Variants in UBR4 observed in about 807,000 individuals in gnomAD.
The protein encoded by UBR4 is E3 ubiquitin-protein ligase UBR4.
In UBR4, 124 loss-of-function variants were observed where a neutral mutation model predicts 575.6. The ratio of observed to expected loss-of-function variants is 0.22; its 90% CI spans 0.19 to 0.25. The LOEUF (loss-of-function observed/expected upper bound fraction) is 0.25. UBR4 is among the 10% of genes least tolerant of loss of function. The probability of loss-of-function intolerance (pLI) is 1.00; values close to 1 mark genes in which losing one functional copy is unlikely to be tolerated. For missense variants in UBR4, 4,818 were observed against 6,478.8 expected (o/e 0.74, Z 8.80); for synonymous variants, 2,455 against 2,473.7 (o/e 0.99, Z 0.22).
chr1:19,161,976 C>T (rs753437022), intron 35 of UBR4, 79 bp from the exon 36 acceptor site: 28 of 1,523,084 alleles, frequency 1.8e-5, no homozygotes, highest in Non-Finnish European at 2.3e-5. Context: ...TGCCTCAACG[C>T]CCTATGGCGG....
Position 19,184,115 on chromosome 1 carries a change from T to C in UBR4, c.1999A>G (p.Asn667Asp). ...CTCAGATAGTTTCGGATAAAATTGT[T>C]CCGAGAGTTCAGCATGGAAGAGGTG... ...FITSSMLNSR[N>D]NFIRNYLSVS... The change falls in exon 16 of 106, where the codon AAC (asparagine) becomes GAC (aspartate). Residue 667 changes from asparagine (N) to aspartate (D), a missense_variant. Coordinates refer to ENST00000375254, the MANE Select transcript of UBR4 (RefSeq NM_020765.3). The C allele has an allele frequency of 1.2e-6, 2 of 1,614,172 alleles. No individual in the cohort carries two copies. The highest frequency in any genetic ancestry group is 1.7e-6 in the Non-Finnish European group (2 of 1,180,042).
At chr1:19,161,292 A>T in intron 37 of UBR4, 145 bp from the exon 38 acceptor site, 1 of 809,106 alleles carries the variant, frequency 1.2e-6, no homozygotes, top group Non-Finnish European at 1.9e-6. Context: ...TCTGATCTTC[A>T]TAGTATTCAC....
chr1:19,202,291 C>T (rs1211807835), intron 1 of UBR4, among the ~76,000 whole-genome samples: 1 of 152,100 alleles, frequency 6.6e-6, no homozygotes, highest in African/African-American at 2.4e-5. Flanking sequence ...AAACAGAAAA[C>T]ATTTTCAAAG....
intron 43 of UBR4, 25 bp downstream of exon 43, chr1:19,155,416 A>T: frequency 6.3e-7 from 1 of 1,594,740 alleles, no homozygotes; most frequent in Non-Finnish European, 8.6e-7. Context: ...CCGGAATAGA[A>T]GGAAATAGCA....
intron 2 of UBR4, among the ~76,000 whole-genome samples, chr1:19,200,101 C>A (rs1351506744): frequency 6.6e-6 from 1 of 152,126 alleles, no homozygotes; most frequent in African/African-American, 2.4e-5. Flanking sequence ...AATGACTTGA[C>A]AAAAGTCACA....
intron 71 of UBR4, 174 bp from the exon 72 acceptor site, chr1:19,118,084 C>A (rs1379503022): frequency 3.5e-6 from 2 of 579,648 alleles, no homozygotes; most frequent in Non-Finnish European, 3.1e-6. Flanking sequence ...GTTACGAAGC[C>A]ACAGGAAAGA....
chr1:19,143,620 T>C (rs889588482), intron 55 of UBR4, among the ~76,000 whole-genome samples: 2 of 152,230 alleles, frequency 1.3e-5, no homozygotes, highest in Non-Finnish European at 2.9e-5. Flanking sequence ...TGTTTCTGTT[T>C]TGTCTTTGGT....
intron 91 of UBR4, 73 bp from the exon 92 acceptor site, chr1:19,096,723 C>G (rs1557557452): frequency 6.4e-7 from 1 of 1,562,980 alleles, no homozygotes; most frequent in Non-Finnish European, 8.7e-7. Flanking sequence ...CAGGATAAGA[C>G]AGCCCTATTC....
chr1:19,110,101 T>C lies in UBR4; in HGVS notation c.12100A>G (p.Asn4034Asp). Reference protein sequence around the residue: ...IKPPAPTSKKNKDVPVEALTT... With the variant: ...IKPPAPTSKKDKDVPVEALTT... ...ACCCCTGCTTGGCCCAGTACCTTGT[T>C]CTTCTTGCTAGTGGGAGCAGGTGGT... Residue 4034 changes from asparagine (N) to aspartate (D), a missense_variant, in exon 81 of 106, where the codon AAC becomes GAC. By Grantham distance (23) the Asn-to-Asp change is conservative. Transcript: ENST00000375254. This position sits in a 1 kb window ranked among gnomAD's most constrained non-coding sequence, Gnocchi z 4.5. The C allele has an allele frequency of 6.2e-7, 1 of 1,614,118 alleles. No homozygotes were observed. The highest frequency in any genetic ancestry group is 8.5e-7 in the Non-Finnish European group (1 of 1,180,022).
At chr1:19,145,593 G>A (rs1280524172) in intron 53 of UBR4, among the ~76,000 whole-genome samples, 200 bp downstream of exon 53, 5 of 150,942 alleles carry the variant, frequency 3.3e-5, no homozygotes, top group African/African-American at 9.8e-5. Flanking sequence ...TATGGTAGAA[G>A]AAAATCCCAC....
chr1:19,183,886 A>G lies in UBR4; in HGVS notation c.2109T>C (p.Asp703=). ...GATAGAGAGCTGCAGCAAACTCTTCATCTGATGAACCTTAAAGACAAGTAG... is the reference window on the plus strand; with the variant it reads ...GATAGAGAGCTGCAGCAAACTCTTCGTCTGATGAACCTTAAAGACAAGTAG... ...VDKDGLKGSS[D]EEFAAALYHF... The change falls in exon 17 of 106, where the codon GAT becomes GAC. Residue 703 remains aspartate, a synonymous_variant. Transcript: ENST00000375254. The G allele has an allele frequency of 3.1e-6, 5 of 1,614,154 alleles. No homozygotes were observed.
chr1:19,204,531 A>ATATATAT (rs1553240220), intron 1 of UBR4, among the ~76,000 whole-genome samples: 1 of 143,838 alleles, frequency 7.0e-6, no homozygotes, highest in Non-Finnish European at 1.6e-5. Context: ...AATATATAAA[A>ATATATAT]AAAAATATAT....
intron 105 of UBR4, chr1:19,075,359 C>A: frequency 4.7e-6 from 1 of 212,488 alleles, no homozygotes; most frequent in Non-Finnish European, 9.6e-6. Flanking sequence ...CCTCCTCTCA[C>A]TAGCTCCAAC....
At chr1:19,144,159 T>C (rs934867242) in intron 54 of UBR4, 68 bp from the exon 55 acceptor site, 4 of 1,449,440 alleles carry the variant, frequency 2.8e-6, no homozygotes, top group Non-Finnish European at 3.9e-6. Context: ...ATAAAACACT[T>C]TCCTTTCTTG....
intron 1 of UBR4, among the ~76,000 whole-genome samples, chr1:19,208,878 T>G (rs2093157922): frequency 6.6e-6 from 1 of 152,218 alleles, no homozygotes; most frequent in Non-Finnish European, 1.5e-5. Context: ...CCAATCCAAA[T>G]GTTTAAAACA....
intron 2 of UBR4, among the ~76,000 whole-genome samples, chr1:19,199,955 A>C (rs1278215576): frequency 1.3e-5 from 2 of 152,236 alleles, no homozygotes; most frequent in Non-Finnish European, 2.9e-5. Context: ...AGAAATCAGG[A>C]TAACTATAAT....
chr1:19,096,737 G>A, intron 91 of UBR4, 87 bp from the exon 92 acceptor site: 3 of 1,527,768 alleles, frequency 2.0e-6, no homozygotes, highest in Non-Finnish European at 2.6e-6. Context: ...CCTATTCCTG[G>A]CTGATGGCTG....
rs2077980889 is a variant in UBR4 at position 19,095,819 on chromosome 1, G to A, written c.13519-167C>T. 7.1e-5 allele frequency: 42 copies of A among 589,276 alleles called. No individual in the cohort carries two copies. The South Asian group carries it at 8.2e-4, about 12-fold the overall frequency. 36.5% of individuals were successfully genotyped at this position (589,276 alleles called of 1,614,324 possible). A position where few individuals can be genotyped will look rare whatever the true frequency, so the allele number is the denominator to read the frequency against. Reference sequence around the variant, plus strand: ...GCTCTTCAGGGGACATGGTGAGATGGCTGGGCTCTCACATTAGGCTGGTAG... The same window carrying A: ...GCTCTTCAGGGGACATGGTGAGATGACTGGGCTCTCACATTAGGCTGGTAG... On this transcript the variant is annotated intron_variant, in intron 92 of 105. Coordinates refer to ENST00000375254, the MANE Select transcript of UBR4 (RefSeq NM_020765.3).
intron 1 of UBR4, among the ~76,000 whole-genome samples, chr1:19,206,427 T>C (rs1308933261): frequency 1.3e-5 from 2 of 151,936 alleles, no homozygotes; most frequent in Admixed American, 1.3e-4. Flanking sequence ...CCTGGTTCAA[T>C]CAATTCTCCT....
Sources: allele counts gnomAD v4.1 joint callset (sites outside exome capture counted in the v4.1 genomes callset), GRCh38; gene constraint gnomAD v4.1.1; non-coding constraint Gnocchi (gnomAD v3.1); transcripts MANE v1.5; gene names NCBI Gene and HGNC (gene_info 2026-07-23, HGNC 2026-07-21).